Variants in HIPK2 observed in about 807,000 individuals in gnomAD.
HIPK2 encodes homeodomain interacting protein kinase 2, also known as homeodomain-interacting protein kinase 2.
A neutral mutation model predicts 113.7 loss-of-function variants in HIPK2; 27 were observed. The observed-to-expected ratio is 0.24, with a 90% confidence interval of 0.17 to 0.33. The LOEUF (loss-of-function observed/expected upper bound fraction) is 0.33. Among genes scored for constraint, HIPK2 ranks in the 10% least tolerant of loss-of-function variants. HIPK2 has a pLI of 1.00. For synonymous variants in HIPK2, 631 were observed against 642.2 expected (o/e 0.98, Z 0.26); for missense variants, 1,257 against 1,588.0 (o/e 0.79, Z 3.54).
intron 2 of HIPK2, among the ~76,000 whole-genome samples, chr7:139,637,371 AC>A (rs1404869233): frequency 2.0e-5 from 3 of 152,152 alleles, no homozygotes; most frequent in Non-Finnish European, 4.4e-5. Flanking sequence ...ATCACTGCCA[AC>A]CACTCTCCTA....
chr7:139,747,828 G>A (rs1796214381), intron 1 of HIPK2, among the ~76,000 whole-genome samples: 1 of 152,190 alleles, frequency 6.6e-6, no homozygotes, highest in African/African-American at 2.4e-5. Flanking sequence ...TTAGCTAGCG[G>A]GCACAAGTGG....
At chr7:139,644,024 G>T (rs1801122668) in intron 2 of HIPK2, among the ~76,000 whole-genome samples, 1 of 152,138 alleles carries the variant, frequency 6.6e-6, no homozygotes, top group Admixed American at 6.5e-5. Flanking sequence ...TTTATGCTTG[G>T]TGACTTTTGT....
intron 1 of HIPK2, among the ~76,000 whole-genome samples, chr7:139,720,398 T>G (rs1795371997): frequency 6.6e-6 from 1 of 152,208 alleles, no homozygotes. Context: ...TGTTCCCTTC[T>G]TGCTTCAATC....
At chr7:139,635,808 C>T (rs909735252) in intron 2 of HIPK2, among the ~76,000 whole-genome samples, 9 of 152,156 alleles carry the variant, frequency 5.9e-5, no homozygotes, top group Non-Finnish European at 7.3e-5. Context: ...CGACACAGCA[C>T]ACCACATGCT....
rs563443430 is a variant in HIPK2, at chr7:139,729,038, T to C, written c.20-12023A>G. ...GTAGTCACTTTGGTATAAAAGAGAATTGGAGCCAGGTTCAGTGGCTCACAC... is the reference window on the plus strand; with the variant it reads ...GTAGTCACTTTGGTATAAAAGAGAACTGGAGCCAGGTTCAGTGGCTCACAC... On this transcript the variant is annotated intron_variant, in intron 1 of 14. Coordinates refer to ENST00000406875, the MANE Select transcript of HIPK2 (RefSeq NM_022740.5). Among the ~76,000 whole-genome samples, 489 of 152,198 alleles carry C rather than the reference T, an allele frequency of 3.2e-3. 1 individual carries two copies. The highest frequency in any genetic ancestry group is 0.011 in the African/African-American group (458 of 41,526).
chr7:139,693,441 G>A (rs949991465), intron 2 of HIPK2, among the ~76,000 whole-genome samples: 5 of 152,208 alleles, frequency 3.3e-5, no homozygotes, highest in African/African-American at 1.2e-4. Flanking sequence ...CAGTTGGAGA[G>A]AGAGCAGCAC....
At chr7:139,675,712 T>C (rs1006347159) in intron 2 of HIPK2, among the ~76,000 whole-genome samples, 1 of 152,152 alleles carries the variant, frequency 6.6e-6, no homozygotes, top group Non-Finnish European at 1.5e-5. Flanking sequence ...ATGTGACCGA[T>C]TGGGTGGGGT....
intron 2 of HIPK2, among the ~76,000 whole-genome samples, chr7:139,656,112 T>G (rs966845400): frequency 1.1e-4 from 16 of 151,928 alleles, no homozygotes; most frequent in Admixed American, 9.2e-4. Context: ...CTCTTCCTTC[T>G]CCCACTCCCT....
chr7:139,576,156 GT>G (rs937993893), intron 13 of HIPK2, among the ~76,000 whole-genome samples: 1 of 152,246 alleles, frequency 6.6e-6, no homozygotes, highest in African/African-American at 2.4e-5. Context: ...ACCTGGTCCA[GT>G]TACCTGCCTC....
At chr7:139,697,859 T>A (rs968402411) in intron 2 of HIPK2, among the ~76,000 whole-genome samples, 92 of 151,110 alleles carry the variant, frequency 6.1e-4, no homozygotes, top group African/African-American at 2.0e-3. Flanking sequence ...TCTGTCTTAA[T>A]GGAATTTTTT....
intron 2 of HIPK2, among the ~76,000 whole-genome samples, chr7:139,702,611 A>C (rs1355548206): frequency 6.6e-6 from 1 of 152,206 alleles, no homozygotes; most frequent in Non-Finnish European, 1.5e-5. Flanking sequence ...GAGGGTTGCC[A>C]CAGGGGAAAG....
intron 1 of HIPK2, among the ~76,000 whole-genome samples, chr7:139,767,398 A>G (rs1371868264): frequency 1.3e-5 from 2 of 152,224 alleles, no homozygotes; most frequent in African/African-American, 4.8e-5. Context: ...CAAGGCAAAT[A>G]CACGCTCAAG....
rs114438324 is a variant in HIPK2, at chr7:139,604,780, T to G, written c.2113-557A>C. Among the ~76,000 whole-genome samples, 716 of 152,174 alleles carry G rather than the reference T, an allele frequency of 4.7e-3. 6 individuals are homozygous for G. Among genetic ancestry groups the G allele is most frequent in the African/African-American group, 0.017 (704 of 41,522 alleles). On this transcript the variant is annotated intron_variant, in intron 9 of 14. Transcript: ENST00000406875. ...GCTGTATGGAAGGGATTCATTCATG[T>G]TGAAGAATGATTTCTTTATAAATTT...
chr7:139,696,811 T>G, intron 2 of HIPK2, among the ~76,000 whole-genome samples: 1 of 152,226 alleles, frequency 6.6e-6, no homozygotes, highest in South Asian at 2.1e-4. Flanking sequence ...GGTGACACGT[T>G]TCAGAGCATT....
intron 1 of HIPK2, among the ~76,000 whole-genome samples, chr7:139,748,180 G>A (rs2117100149): frequency 6.6e-6 from 1 of 152,284 alleles, no homozygotes; most frequent in South Asian, 2.1e-4. Context: ...TCGGAAGCTG[G>A]TCTGCCCATC....
At position 139,568,781 on chromosome 7, in the gene HIPK2, T is replaced by C. The variant is rs1798170054; in HGVS notation, c.*4146A>G. 6.6e-6 allele frequency: 1 copy of C among 152,254 alleles called. No individual in the cohort carries two copies. Among genetic ancestry groups the C allele is most frequent in the South Asian group, 2.1e-4 (1 of 4,832 alleles). The allele number at this position is 152,254 out of a possible 1,614,324, so 9.4% of individuals were successfully genotyped here. A position where few individuals can be genotyped will look rare whatever the true frequency, so the allele number is the denominator to read the frequency against. On this transcript the variant is annotated 3_prime_UTR_variant, in exon 15 of 15. Transcript: ENST00000406875. ...GTATGCAATTGGGCATCCAGGGAGC[T>C]GGCCTCTCCTGCAGGGAGCTTCTCT... is the stretch of plus-strand genomic sequence containing the variant.
intron 2 of HIPK2, among the ~76,000 whole-genome samples, chr7:139,709,651 T>C (rs1254032583): frequency 1.3e-5 from 2 of 152,246 alleles, no homozygotes; most frequent in East Asian, 3.9e-4. Flanking sequence ...CAGGTCATAA[T>C]GGGATCCAGA....
chr7:139,707,188 C>T (rs1794927041), intron 2 of HIPK2, among the ~76,000 whole-genome samples: 1 of 152,246 alleles, frequency 6.6e-6, no homozygotes. Context: ...TCCCTTAGGC[C>T]TGTGATCATC....
At chr7:139,746,164 T>A (rs1796185806) in intron 1 of HIPK2, among the ~76,000 whole-genome samples, 1 of 152,176 alleles carries the variant, frequency 6.6e-6, no homozygotes, top group African/African-American at 2.4e-5. Context: ...TACAGTCAAA[T>A]AATTACATTC....
Sources: allele counts gnomAD v4.1 joint callset (sites outside exome capture counted in the v4.1 genomes callset), GRCh38; gene constraint gnomAD v4.1.1; transcripts MANE v1.5; gene names NCBI Gene and HGNC (gene_info 2026-07-23, HGNC 2026-07-21).